CEP350: variants seen among roughly 807,000 people sequenced by gnomAD.
CEP350 encodes the protein centrosomal protein 350.
A neutral mutation model predicts 331.8 loss-of-function variants in CEP350; 126 were observed. The observed-to-expected ratio is 0.38, with a 90% CI of 0.33 to 0.44. The LOEUF (loss-of-function observed/expected upper bound fraction) is 0.44, where lower values mean the gene tolerates loss of function less well. Among genes scored for constraint, CEP350 ranks in the 20% least tolerant of loss-of-function variants. CEP350 has a pLI of 1.00. For missense variants in CEP350, 3,406 were observed against 3,634.6 expected (o/e 0.94, Z 1.62); for synonymous variants, 1,200 against 1,259.5 (o/e 0.95, Z 1.00).
At chr1:180,101,333 T>C (rs1212914383) in intron 37 of CEP350, among the ~76,000 whole-genome samples, 1 of 152,192 alleles carries the variant, frequency 6.6e-6, no homozygotes, top group Admixed American at 6.5e-5. Flanking sequence ...GAGCTAATTA[T>C]TAACAAGAAA....
At chr1:180,055,427 T>G (rs1657758400) in intron 25 of CEP350, among the ~76,000 whole-genome samples, 1 of 152,162 alleles carries the variant, frequency 6.6e-6, no homozygotes, top group South Asian at 2.1e-4. Context: ...TGCTAGCTAC[T>G]GTGTTAGATG....
At chr1:180,087,366 T>G in intron 31 of CEP350, 1 of 347,916 alleles carries the variant, frequency 2.9e-6, no homozygotes, top group Non-Finnish European at 5.2e-6. Context: ...GAATTACAAT[T>G]ATATATCTTG....
At chr1:180,012,520 G>C (rs1357201737) in intron 9 of CEP350, among the ~76,000 whole-genome samples, 6 of 152,194 alleles carry the variant, frequency 3.9e-5, no homozygotes, top group Non-Finnish European at 5.9e-5. Context: ...GTGGGTGTCA[G>C]ATTTGGTGGC....
chr1:179,991,746 G>A lies in CEP350; in HGVS notation c.236-316G>A, dbSNP rs147040871. Among the ~76,000 whole-genome samples the A allele has an allele frequency of 5.2e-3, 769 of 147,082 alleles. 3 individuals are homozygous for A. The highest frequency in any genetic ancestry group is 0.018 in the African/African-American group (724 of 39,846). On this transcript the variant is annotated intron_variant, in intron 4 of 37. Coordinates refer to ENST00000367607, the MANE Select transcript of CEP350 (RefSeq NM_014810.5). Reference sequence around the variant, plus strand: ...ATATACATTTTTTTTTAACCTGGGAGTTTGTTAGGTTGTATATGATACTTC... The same window carrying A: ...ATATACATTTTTTTTTAACCTGGGAATTTGTTAGGTTGTATATGATACTTC...
rs753649094 is a variant in CEP350 at position 180,003,207 on chromosome 1, C to G, written c.1052C>G (p.Pro351Arg). Residue 351 changes from proline to arginine, a missense_variant, in exon 7 of 38, where the codon CCT (proline) becomes CGT (arginine). Physicochemically the swap from Pro to Arg is moderately radical, Grantham distance 103. This residue lies in a region of CEP350 where 1,857 missense variants were observed against 1,909.2 expected (regional missense o/e 0.97). Transcript: ENST00000367607. The stretch of plus-strand genomic sequence containing the variant: ...CCTTCAGAGACCAAGATTCGAACAC[C>G]TGATGGGAAAGTGTGGCAGGAGGCT... ...FNPSETKIRT[P>R]DGKVWQEAEF... 6.2e-7 allele frequency: 1 copy of G among 1,613,236 alleles called. No individual in the cohort carries two copies. Among genetic ancestry groups the G allele is most frequent in the Non-Finnish European group, 8.5e-7 (1 of 1,179,580 alleles).
Position 180,011,937 on chromosome 1 carries a change from C to A in CEP350, c.1255C>A (p.His419Asn). ...SSTECRTGSSHLISTSSWRDG... is the reference protein window; with the variant it reads ...SSTECRTGSSNLISTSSWRDG... The stretch of plus-strand genomic sequence containing the variant: ...GCCATGTATTTTTTTAGGTAGTAGT[C>A]ATCTTATAAGTACATCTTCTTGGCG... The change falls in exon 9 of 38, where the codon CAT (histidine) becomes AAT (asparagine). Residue 419 changes from histidine to asparagine, a missense_variant. This residue lies in a region of CEP350 where 1,857 missense variants were observed against 1,909.2 expected (regional missense o/e 0.97). Transcript: ENST00000367607. The A allele has an allele frequency of 1.3e-6, 2 of 1,594,188 alleles. No homozygotes were observed. The highest frequency in any genetic ancestry group is 2.3e-5 in the South Asian group (2 of 86,972).
intron 1 of CEP350, among the ~76,000 whole-genome samples, chr1:179,963,559 G>T (rs193024031): frequency 0.011 from 1,598 of 150,586 alleles, 17 homozygotes; most frequent in Non-Finnish European, 0.015. Context: ...TGTTTTTTGG[G>T]TTTTTTTTTC....
At position 180,043,330 on chromosome 1, in the gene CEP350, G is replaced by A. The variant is rs889377614; in HGVS notation, c.4499+138G>A. The A allele has an allele frequency of 7.9e-6, 8 of 1,018,970 alleles. No homozygotes were observed. The African/African-American group carries it at 1.3e-4, about 17-fold the overall frequency. 63.1% of individuals were successfully genotyped at this position (1,018,970 alleles called of 1,614,324 possible). On this transcript the variant is annotated intron_variant, in intron 20 of 37. Coordinates refer to ENST00000367607, the MANE Select transcript of CEP350 (RefSeq NM_014810.5). The stretch of plus-strand genomic sequence containing the variant: ...ACAGTTATGGGCATAGTCTAGTAGG[G>A]AAGATAAACATTACTCAAATATTCA...
At position 179,965,689 on chromosome 1, in the gene CEP350, C is replaced by T. The variant is rs1264672202; in HGVS notation, c.-14+10547C>T. Among the ~76,000 whole-genome samples the T allele has an allele frequency of 1.6e-4, 21 of 130,702 alleles. No individual in the cohort carries two copies. In the South Asian group the frequency reaches 2.5e-3, roughly 15 times the overall value. The allele number at this position is 130,702 out of a possible 152,430, so 85.7% of individuals were successfully genotyped here. A position where few individuals can be genotyped will look rare whatever the true frequency, so the allele number is the denominator to read the frequency against. On this transcript the variant is annotated intron_variant, in intron 1 of 37. Transcript: ENST00000367607. ...AGGCTGGAGTGCAGTTGTGCAATCT[C>T]GGCTTACTGCAACCTCCGCCTCCTG...
At chr1:179,970,544 ACTTTTT>A (rs1371110590) in intron 1 of CEP350, among the ~76,000 whole-genome samples, 1 of 151,120 alleles carries the variant, frequency 6.6e-6, no homozygotes, top group Non-Finnish European at 1.5e-5. Context: ...CTTTCAGTTA[ACTTTTT>A]CTTAACCTAT....
chr1:180,070,783 A>G lies in CEP350; in HGVS notation c.5568-4239A>G, dbSNP rs570987934. The stretch of plus-strand genomic sequence containing the variant: ...AAATAGTATTTTGTTGAAATTAGCA[A>G]AGTGCTAGATGGCTAATTACTGGAG... On this transcript the variant is annotated intron_variant, in intron 27 of 37. Transcript: ENST00000367607. 1.4e-4 allele frequency among the ~76,000 whole-genome samples: 21 copies of G among 152,292 alleles called. No individual in the cohort carries two copies. In the East Asian group the frequency reaches 4.0e-3, roughly 29 times the overall value.
chr1:180,061,931 G>A (rs1350498373), intron 25 of CEP350, among the ~76,000 whole-genome samples: 1 of 152,016 alleles, frequency 6.6e-6, no homozygotes, highest in African/African-American at 2.4e-5. Context: ...ACGTTGAGTA[G>A]CATTATGGAA....
At chr1:179,959,588 C>G (rs749190999) in intron 1 of CEP350, among the ~76,000 whole-genome samples, 2 of 151,904 alleles carry the variant, frequency 1.3e-5, no homozygotes, top group Non-Finnish European at 2.9e-5. Flanking sequence ...AACCCCATCT[C>G]TACTAAAAGT....
chr1:179,976,651 CAA>C (rs559980758), intron 1 of CEP350, among the ~76,000 whole-genome samples: 24 of 85,246 alleles, frequency 2.8e-4, no homozygotes, highest in African/African-American at 3.8e-4. Context: ...GACTCCATCT[CAA>C]AAAAAAAAAA....
In CEP350 at chr1:180,007,126, A is replaced by G. The variant is rs1571857292; in HGVS notation, c.1246+559A>G. Among the ~76,000 whole-genome samples, 3 of 152,322 alleles carry G rather than the reference A, an allele frequency of 2.0e-5. 1 individual carries two copies. Among genetic ancestry groups the G allele is most frequent in the South Asian group, 4.1e-4 (2 of 4,828 alleles). ...TTACAATCCTTTGGGTATATACCCA[A>G]TAATGGGATTCCTGAGTCAAATGGT... On this transcript the variant is annotated intron_variant, in intron 8 of 37. Transcript: ENST00000367607.
chr1:180,046,523 T>C (rs776704360), intron 21 of CEP350, among the ~76,000 whole-genome samples: 3 of 152,268 alleles, frequency 2.0e-5, no homozygotes, highest in African/African-American at 4.8e-5. Flanking sequence ...TTAACTATTA[T>C]AAGTAATGCT....
intron 17 of CEP350, among the ~76,000 whole-genome samples, chr1:180,039,285 AG>A (rs71118427): frequency 6.9e-5 from 1 of 14,458 alleles, no homozygotes; most frequent in Non-Finnish European, 1.2e-4. Context: ...GGAGGGAGGG[AG>A]GGAGGGGAGG....
rs997514227 is a variant in CEP350, at chr1:180,098,942, T to G, written c.9146T>G (p.Met3049Arg). ...PNHKTDWQKM[M>R]KFGRKKRDRV... is the part of the protein sequence containing the mutation. ...CACAAAACAGATTGGCAGAAAATGA[T>G]GAAATTTGGAAGAAAGAAAAGAGAC... The change falls in exon 37 of 38, where the codon ATG (methionine) becomes AGG (arginine). Residue 3049 changes from methionine (M) to arginine (R), a missense_variant. Coordinates refer to ENST00000367607, the MANE Select transcript of CEP350 (RefSeq NM_014810.5). The G allele has an allele frequency of 1.2e-6, 2 of 1,613,652 alleles. No homozygotes were observed. Among genetic ancestry groups the G allele is most frequent in the Admixed American group, 1.7e-5 (1 of 60,002 alleles).
At position 180,000,439 on chromosome 1, in the gene CEP350, T is replaced by C. The variant is rs72710632; in HGVS notation, c.1019-2735T>C. On this transcript the variant is annotated intron_variant, in intron 6 of 37. Coordinates refer to ENST00000367607, the MANE Select transcript of CEP350 (RefSeq NM_014810.5). ...ATTGCAGAATCTTTACTCCTGTTTT[T>C]AGCCTTTGCAGTCCCTCTGACTTTC... The C allele has an allele frequency of 4.1e-3, 623 of 153,816 alleles. 4 individuals carry two copies. Among genetic ancestry groups the C allele is most frequent in the Non-Finnish European group, 6.8e-3 (463 of 68,168 alleles). 9.5% of individuals were successfully genotyped at this position (153,816 alleles called of 1,614,324 possible). A position where few individuals can be genotyped will look rare whatever the true frequency, so the allele number is the denominator to read the frequency against.
Sources: allele counts gnomAD v4.1 joint callset (sites outside exome capture counted in the v4.1 genomes callset), GRCh38; gene constraint gnomAD v4.1.1; regional missense constraint gnomAD v4.1.1; transcripts MANE v1.5; gene names NCBI Gene and HGNC (gene_info 2026-07-23, HGNC 2026-07-21).